Variants in CPVL observed in about 807,000 individuals in gnomAD.
CPVL encodes carboxypeptidase vitellogenic like, also known as probable serine carboxypeptidase CPVL.
A neutral mutation model predicts 63.7 loss-of-function variants in CPVL; 51 were observed. The ratio of observed to expected loss-of-function variants is 0.80; its 90% CI spans 0.64 to 1.01. The LOEUF is 1.01. CPVL is among the 50% of genes least tolerant of loss of function. The pLI is 0.00. For synonymous variants in CPVL, 195 were observed against 206.0 expected, an observed-to-expected ratio of 0.95 and a Z score of 0.46; for missense variants, 530 against 573.1, an observed-to-expected ratio of 0.92 and a Z score of 0.77.
intron 12 of CPVL, among the ~76,000 whole-genome samples, chr7:29,017,315 A>G (rs1786509500): frequency 6.6e-6 from 1 of 152,194 alleles, no homozygotes; most frequent in South Asian, 2.1e-4. Flanking sequence ...ACCTGGCCTC[A>G]CCACCAAATC....
At chr7:29,158,216 A>G (rs1356811219) in intron 5 of CPVL, among the ~76,000 whole-genome samples, 3 of 152,234 alleles carry the variant, frequency 2.0e-5, no homozygotes, top group Non-Finnish European at 2.9e-5. Context: ...AATGTCTACA[A>G]TCAAGGACTA....
chr7:29,110,984 G>A lies in CPVL; in HGVS notation c.288+1720C>T, dbSNP rs1041907841. On this transcript the variant is annotated intron_variant, in intron 3 of 12. Coordinates refer to ENST00000265394, the MANE Select transcript of CPVL (RefSeq NM_031311.5). ...TGCGAGCAGCCTCTAGACACTGCAA[G>A]AGGCAAGAAAAGAGATTCTCCCTTA... Among the ~76,000 whole-genome samples the A allele has an allele frequency of 6.6e-5, 10 of 152,374 alleles. 1 individual carries two copies. The highest frequency in any genetic ancestry group is 1.2e-4 in the Non-Finnish European group (8 of 68,040).
chr7:29,189,243 C>T (rs940110516), intron 1 of CPVL, among the ~76,000 whole-genome samples: 7 of 152,100 alleles, frequency 4.6e-5, no homozygotes, highest in African/African-American at 7.2e-5. Flanking sequence ...TGAGCCACCG[C>T]GCCCAGCCAG....
chr7:29,074,239 G>A (rs905584912), intron 7 of CPVL, among the ~76,000 whole-genome samples: 2 of 152,118 alleles, frequency 1.3e-5, no homozygotes, highest in Admixed American at 6.5e-5. Context: ...GCTCTCTTGT[G>A]CAATAATAAT....
At chr7:29,009,655 ATTTCT>A (rs1390134876) in intron 12 of CPVL, 4 of 152,204 alleles carry the variant, frequency 2.6e-5, no homozygotes, top group Non-Finnish European at 4.4e-5. Context: ...ATACAGAATA[ATTTCT>A]TTTCTATAAA....
intron 1 of CPVL, among the ~76,000 whole-genome samples, chr7:29,141,465 G>A (rs541594330): frequency 3.3e-5 from 5 of 152,146 alleles, no homozygotes; most frequent in Admixed American, 2.0e-4. Context: ...CAAGAGAATC[G>A]CTTTTACCCA....
chr7:29,038,290 G>C (rs1038797780), intron 11 of CPVL, among the ~76,000 whole-genome samples: 13 of 152,078 alleles, frequency 8.5e-5, no homozygotes, highest in African/African-American at 3.1e-4. Flanking sequence ...CTCATGAATG[G>C]AATTAGTGCC....
intron 7 of CPVL, among the ~76,000 whole-genome samples, chr7:29,085,585 A>G (rs1239270842): frequency 1.3e-5 from 2 of 152,234 alleles, no homozygotes; most frequent in Non-Finnish European, 2.9e-5. Context: ...TGCTAAAACT[A>G]CTGGATGGCA....
intron 11 of CPVL, among the ~76,000 whole-genome samples, chr7:29,044,980 T>C (rs754962065): frequency 4.6e-5 from 7 of 152,300 alleles, no homozygotes; most frequent in African/African-American, 1.2e-4. Context: ...GTTTTAAGCA[T>C]GAGACACTTT....
intron 1 of CPVL, chr7:29,193,254 A>G (rs527876940): frequency 6.6e-5 from 10 of 151,906 alleles, no homozygotes; most frequent in African/African-American, 2.4e-4. Context: ...AGTATCCTGG[A>G]GGGATTTTTT....
chr7:29,073,063 A>G (rs1303539778), intron 7 of CPVL, among the ~76,000 whole-genome samples: 4 of 152,210 alleles, frequency 2.6e-5, no homozygotes. Context: ...TTTTTCAAAT[A>G]ATTTTGCATT....
chr7:29,104,532 A>G (rs1257192251), intron 3 of CPVL, among the ~76,000 whole-genome samples: 1 of 152,154 alleles, frequency 6.6e-6, no homozygotes, highest in Non-Finnish European at 1.5e-5. Context: ...ACGTACTGGG[A>G]TTATAGGCAT....
At chr7:29,150,758 G>T (rs1203035333), upstream of CPVL, among the ~76,000 whole-genome samples, 2 of 152,210 alleles carry the variant, frequency 1.3e-5, no homozygotes, top group African/African-American at 4.8e-5. Context: ...TATAGCCATT[G>T]TTCCTTTTCA....
At chr7:29,173,592 G>T (rs1796888527) in intron 5 of CPVL, among the ~76,000 whole-genome samples, 1 of 152,112 alleles carries the variant, frequency 6.6e-6, no homozygotes, top group Non-Finnish European at 1.5e-5. Flanking sequence ...ATGAGAGGCA[G>T]GATATGAAAT....
At chr7:29,019,023 G>C (rs1018047115) in intron 12 of CPVL, among the ~76,000 whole-genome samples, 9 of 151,066 alleles carry the variant, frequency 6.0e-5, no homozygotes, top group African/African-American at 9.8e-5. Context: ...GCTAGAGATA[G>C]GTATATGGTA....
intron 12 of CPVL, among the ~76,000 whole-genome samples, chr7:29,013,987 C>T (rs1034801908): frequency 1.3e-5 from 2 of 152,194 alleles, no homozygotes; most frequent in Non-Finnish European, 2.9e-5. Flanking sequence ...TTTATTTCTC[C>T]CTTGGTCCAG....
At chr7:29,017,372 G>A (rs911925967) in intron 12 of CPVL, among the ~76,000 whole-genome samples, 6 of 152,338 alleles carry the variant, frequency 3.9e-5, no homozygotes, top group African/African-American at 1.2e-4. Flanking sequence ...GGTGGCTCAC[G>A]CCTGTAATCC....
intron 12 of CPVL, chr7:29,013,355 G>A (rs757657424): frequency 1.3e-5 from 2 of 151,470 alleles, no homozygotes; most frequent in African/African-American, 4.9e-5. Context: ...ATAATAAATT[G>A]TTTGAAGCCA....
chr7:29,013,619 C>G (rs747133566), intron 12 of CPVL, among the ~76,000 whole-genome samples: 1 of 152,200 alleles, frequency 6.6e-6, no homozygotes, highest in African/African-American at 2.4e-5. Flanking sequence ...CACCAGCTCC[C>G]GCTGCTCCCA....
Sources: allele counts gnomAD v4.1 joint callset (sites outside exome capture counted in the v4.1 genomes callset), GRCh38; gene constraint gnomAD v4.1.1; transcripts MANE v1.5; gene names NCBI Gene and HGNC (gene_info 2026-07-23, HGNC 2026-07-21).